Variants in ADCY5 observed in about 807,000 individuals in gnomAD.
ADCY5 encodes the protein adenylate cyclase type 5.
Under a neutral mutation model 119.7 loss-of-function variants are expected in ADCY5, and 30 were observed. The ratio of observed to expected loss-of-function variants is 0.25; its 90% CI spans 0.19 to 0.34. The LOEUF (loss-of-function observed/expected upper bound fraction) is 0.34, where lower values mean the gene tolerates loss of function less well. Ranked by LOEUF, ADCY5 falls within the 10% of genes least tolerant of loss-of-function variation. The pLI is 1.00. For synonymous variants in ADCY5, 753 were observed against 762.2 expected (o/e 0.99, Z 0.20); for missense variants, 1,324 against 1,775.2 (o/e 0.75, Z 4.57).
At chr3:123,428,746 A>G (rs558228085) in intron 1 of ADCY5, among the ~76,000 whole-genome samples, 1 of 152,136 alleles carries the variant, frequency 6.6e-6, no homozygotes, top group South Asian at 2.1e-4. Context: ...ACATGCCTCT[A>G]ATTTGCGGGG....
At position 123,414,495 on chromosome 3, in the gene ADCY5, C is replaced by T. The variant is rs911499682; in HGVS notation, c.1134+32917G>A. 8.5e-5 allele frequency among the ~76,000 whole-genome samples: 13 copies of T among 152,214 alleles called. 1 individual carries two copies. Among genetic ancestry groups the T allele is most frequent in the Middle Eastern group, 6.3e-3 (2 of 316 alleles). The stretch of plus-strand genomic sequence containing the variant: ...CTAAACACCAGGGGATGAGGAGCTC[C>T]CACTCAGGGGAGAGAAAGCAGCATT... On this transcript the variant is annotated intron_variant, in intron 1 of 20. Transcript: ENST00000462833.
rs1466377727 is a variant in ADCY5, at chr3:123,285,631, G to C, written c.3658-895C>G. Reference sequence around the variant, plus strand: ...GGACCCCACTGTGTTACTAGCTGCAGTTCCTGTGTGGTGCAGCCCCACACA... The same window carrying C: ...GGACCCCACTGTGTTACTAGCTGCACTTCCTGTGTGGTGCAGCCCCACACA... On this transcript the variant is annotated intron_variant, in intron 20 of 20. Transcript: ENST00000462833. 2.0e-5 allele frequency among the ~76,000 whole-genome samples: 3 copies of C among 152,246 alleles called. No individual in the cohort carries two copies. The East Asian group carries it at 5.8e-4, about 29-fold the overall frequency.
intron 12 of ADCY5, among the ~76,000 whole-genome samples, chr3:123,311,082 T>C (rs958895187): frequency 2.0e-5 from 3 of 152,212 alleles, no homozygotes; most frequent in Admixed American, 1.3e-4. Context: ...GTCCATGTTG[T>C]TCTGGGAAAA....
At chr3:123,288,214 C>A (rs1003816434) in intron 19 of ADCY5, among the ~76,000 whole-genome samples, 1 of 152,338 alleles carries the variant, frequency 6.6e-6, no homozygotes, top group East Asian at 1.9e-4. Context: ...CAGGCTGCAA[C>A]AAAATGTCTC....
intron 1 of ADCY5, among the ~76,000 whole-genome samples, chr3:123,360,791 ATAT>A (rs1943221628): frequency 6.6e-6 from 1 of 152,242 alleles, no homozygotes; most frequent in Non-Finnish European, 1.5e-5. Flanking sequence ...AGAAAGACAA[ATAT>A]CTAGGAATGA....
chr3:123,304,781 C>T (rs1350282590), intron 12 of ADCY5, among the ~76,000 whole-genome samples: 1 of 152,124 alleles, frequency 6.6e-6, no homozygotes, highest in Admixed American at 6.5e-5. Flanking sequence ...TGTATTCTTC[C>T]ACCAGACAAA....
At chr3:123,320,605 G>T in intron 9 of ADCY5, 144 bp downstream of exon 9, 1 of 1,148,818 alleles carries the variant, frequency 8.7e-7, no homozygotes. Context: ...ACCACCTGAC[G>T]GCTAGGGTGG....
Position 123,447,445 on chromosome 3 carries a change from G to A in ADCY5, c.1101C>T (p.Arg367=). 1 of 1,604,930 alleles carries A rather than the reference G, an allele frequency of 6.2e-7. No homozygotes were observed. Among genetic ancestry groups the A allele is most frequent in the Non-Finnish European group, 8.5e-7 (1 of 1,175,224 alleles). The change falls in exon 1 of 21, where the codon CGC becomes CGT. Residue 367 remains arginine (R), a synonymous_variant. Transcript: ENST00000462833. ...GCAGGAACTGGTCCTGGGCGTTGGT[G>A]CGCAGGGCGATGGCCAGGTGGAGGG... The part of the protein sequence containing the change: ...LSALHLAIAL[R]TNAQDQFLLK...
rs1321500217 is a variant in ADCY5 at position 123,409,251 on chromosome 3, T to A, written c.1134+38161A>T. 2.0e-5 allele frequency among the ~76,000 whole-genome samples: 3 copies of A among 152,172 alleles called. No homozygotes were observed. In the East Asian group the frequency reaches 5.8e-4, roughly 29 times the overall value. On this transcript the variant is annotated intron_variant, in intron 1 of 20. Coordinates refer to ENST00000462833, the MANE Select transcript of ADCY5 (RefSeq NM_183357.3). ...AAGGGTCTGCTTTAACTATATCCACTCAACACCTAGTTCCTCTATGTGCTA... is the reference window on the plus strand; with the variant it reads ...AAGGGTCTGCTTTAACTATATCCACACAACACCTAGTTCCTCTATGTGCTA...
At chr3:123,405,024 C>A (rs139414141) in intron 1 of ADCY5, among the ~76,000 whole-genome samples, 2 of 152,272 alleles carry the variant, frequency 1.3e-5, no homozygotes, top group African/African-American at 4.8e-5. Flanking sequence ...CCTTGTTTCA[C>A]CAGTGCTGCT....
chr3:123,411,816 G>A (rs1342316671), intron 1 of ADCY5, among the ~76,000 whole-genome samples: 1 of 152,174 alleles, frequency 6.6e-6, no homozygotes, highest in African/African-American at 2.4e-5. Flanking sequence ...CAGGTGAGCA[G>A]GCCCACGTGG....
intron 12 of ADCY5, 56 bp from the exon 13 acceptor site, chr3:123,304,239 C>T: frequency 8.6e-7 from 1 of 1,160,110 alleles, no homozygotes; most frequent in Non-Finnish European, 1.3e-6. Context: ...TAGCATTCAG[C>T]AAGGACTCCA....
At position 123,300,713 on chromosome 3, in the gene ADCY5, C is replaced by T. The variant is rs143594670; in HGVS notation, c.2725-418G>A. Among the ~76,000 whole-genome samples, 465 of 152,284 alleles carry T rather than the reference C, an allele frequency of 3.1e-3. 2 individuals are homozygous for T. The highest frequency in any genetic ancestry group is 0.01 in the African/African-American group (418 of 41,544). ...TGCAGTGTCCAGCACCCTCAATAAC[C>T]GTGGGGAGCCCCTAATCTGCAGCTT... On this transcript the variant is annotated intron_variant, in intron 14 of 20. Transcript: ENST00000462833.
chr3:123,367,966 C>T (rs1323586155), intron 1 of ADCY5: 1 of 1,533,872 alleles, frequency 6.5e-7, no homozygotes, highest in Non-Finnish European at 8.7e-7. Flanking sequence ...CTGGGCCCTA[C>T]CCAGCACTAC....
chr3:123,445,291 A>T (rs1945793009), intron 1 of ADCY5, among the ~76,000 whole-genome samples: 1 of 152,216 alleles, frequency 6.6e-6, no homozygotes, highest in Non-Finnish European at 1.5e-5. Flanking sequence ...TCAGTCAGAC[A>T]GACACTCTGT....
rs776259193 is a variant in ADCY5 at position 123,319,796 on chromosome 3, G to T, written c.2134C>A (p.Pro712Thr). ...AGAAACTCATCCACTTCATCCTCAG[G>T]GTTCGCACTCTCCTGGGCGTTCCTG... ...KDKNAQESAN[P>T]EDEVDEFLGR... Residue 712 changes from proline to threonine, a missense_variant, in exon 10 of 21, where the codon CCT becomes ACT. Around this residue, in one of 6 missense-constraint regions of ADCY5, gnomAD observed 424 missense variants for 546.8 expected, o/e 0.78. Transcript: ENST00000462833. 6.2e-7 allele frequency: 1 copy of T among 1,614,186 alleles called. No individual in the cohort carries two copies. The highest frequency in any genetic ancestry group is 8.5e-7 in the Non-Finnish European group (1 of 1,180,016).
In ADCY5 at chr3:123,286,730, G is replaced by A. The variant is rs138624072; in HGVS notation, c.3612C>T (p.Asn1204=). 45 of 1,613,452 alleles carry A rather than the reference G, an allele frequency of 2.8e-5. No homozygotes were observed. In the African/African-American group the frequency reaches 2.9e-4, roughly 11 times the overall value. The change falls in exon 20 of 21, where the codon AAC becomes AAT. Residue 1204 remains asparagine (N), a synonymous_variant. Coordinates refer to ENST00000462833, the MANE Select transcript of ADCY5 (RefSeq NM_183357.3). The surrounding 1 kb of genome is among the most constrained non-coding windows in gnomAD (Gnocchi z 4.2). ...PQYDIWGNTV[N]VASRMDSTGV... ...CGGTGCTGTCCATGCGGCTGGCCAC[G>A]TTCACGGTATTGCCCCAGATGTCGT...
chr3:123,317,997 C>T, intron 11 of ADCY5, 23 bp downstream of exon 11: 2 of 1,603,712 alleles, frequency 1.2e-6, no homozygotes. Flanking sequence ...AGGAAGGAGC[C>T]CAAGAGGGAC....
At chr3:123,435,940 G>A (rs939889033) in intron 1 of ADCY5, among the ~76,000 whole-genome samples, 4 of 148,578 alleles carry the variant, frequency 2.7e-5, no homozygotes, top group Middle Eastern at 7.1e-3. Flanking sequence ...ACCTGGGCTG[G>A]AGTGCAGTGG....
Sources: allele counts gnomAD v4.1 joint callset (sites outside exome capture counted in the v4.1 genomes callset), GRCh38; gene constraint gnomAD v4.1.1; regional missense constraint gnomAD v4.1.1; non-coding constraint Gnocchi (gnomAD v3.1); transcripts MANE v1.5; gene names NCBI Gene and HGNC (gene_info 2026-07-23, HGNC 2026-07-21).